Variants in NBAS observed in about 807,000 individuals in gnomAD.
NBAS encodes NAG/BC035112 fusion.
In NBAS, 219 loss-of-function variants were observed where a neutral mutation model predicts 302.5. The observed-to-expected ratio is 0.72, with a 90% confidence interval of 0.65 to 0.81. The LOEUF (loss-of-function observed/expected upper bound fraction) is 0.81, where lower values mean the gene tolerates loss of function less well. Ranked by LOEUF, NBAS falls within the 30% of genes least tolerant of loss-of-function variation. The pLI, the probability that NBAS is intolerant of heterozygous loss-of-function variation, is 0.00. For synonymous variants in NBAS, 1,118 were observed against 1,021.6 expected (o/e 1.09, Z -1.80); for missense variants, 2,932 against 2,841.6 (o/e 1.03, Z -0.72).
intron 46 of NBAS, among the ~76,000 whole-genome samples, chr2:15,232,809 A>T (rs1375813596): frequency 6.6e-6 from 1 of 152,018 alleles, no homozygotes; most frequent in African/African-American, 2.4e-5. Context: ...AACTGTATTG[A>T]GCTACTTTAA....
chr2:15,323,685 A>C (rs1377895593), intron 38 of NBAS, among the ~76,000 whole-genome samples: 1 of 151,980 alleles, frequency 6.6e-6, no homozygotes, highest in Non-Finnish European at 1.5e-5. Flanking sequence ...ACAACAAAAA[A>C]TTAGCTGGGC....
At chr2:15,277,350 T>C (rs959527033) in intron 42 of NBAS, among the ~76,000 whole-genome samples, 2 of 152,216 alleles carry the variant, frequency 1.3e-5, no homozygotes, top group Admixed American at 1.3e-4. Context: ...CCCTGTGAAG[T>C]AGCTTTAACT....
the NBAS span, among the ~76,000 whole-genome samples, chr2:14,856,656 G>A: frequency 6.6e-6 from 1 of 151,958 alleles, no homozygotes. Flanking sequence ...AAATGCAGTT[G>A]GCATACTGAA....
intron 14 of NBAS, among the ~76,000 whole-genome samples, chr2:15,475,277 T>G (rs1404959929): frequency 2.0e-5 from 3 of 152,222 alleles, no homozygotes; most frequent in Non-Finnish European, 4.4e-5. Context: ...TTTACAGAAC[T>G]AGCCTCTATT....
chr2:15,236,438 A>G (rs941355141), intron 45 of NBAS, among the ~76,000 whole-genome samples: 1 of 146,618 alleles, frequency 6.8e-6, no homozygotes, highest in Non-Finnish European at 1.5e-5. Context: ...AGTCCCAGCT[A>G]CTCAAGAGGC....
At chr2:15,058,849 C>T in the NBAS span, among the ~76,000 whole-genome samples, 2,515 of 152,256 alleles carry the variant, frequency 0.017, 33 homozygotes, top group Non-Finnish European at 0.024. Flanking sequence ...TTGACTTGTG[C>T]ACTACATGCC....
the NBAS span, among the ~76,000 whole-genome samples, chr2:14,812,719 G>T: frequency 6.6e-6 from 1 of 151,682 alleles, no homozygotes; most frequent in Non-Finnish European, 1.5e-5. Flanking sequence ...AAGTTATTTG[G>T]TTTCTAGTTC....
At chr2:14,987,207 T>G in the NBAS span, among the ~76,000 whole-genome samples, 49 of 152,062 alleles carry the variant, frequency 3.2e-4, no homozygotes, top group African/African-American at 1.1e-3. Flanking sequence ...TTCTGATTAT[T>G]TAGAATAAAT....
chr2:14,919,319 A>T, the NBAS span, among the ~76,000 whole-genome samples: 1 of 152,230 alleles, frequency 6.6e-6, no homozygotes, highest in Non-Finnish European at 1.5e-5. Context: ...CCATACCTTA[A>T]TTTAAAAATA....
At chr2:15,375,967 T>C (rs1312387142) in intron 30 of NBAS, among the ~76,000 whole-genome samples, 3 of 152,020 alleles carry the variant, frequency 2.0e-5, no homozygotes, top group African/African-American at 4.8e-5. Flanking sequence ...AATTTATTCA[T>C]GATTTAAGAA....
chr2:15,332,102 A>G (rs1316515287), intron 35 of NBAS, among the ~76,000 whole-genome samples: 2 of 152,232 alleles, frequency 1.3e-5, no homozygotes, highest in East Asian at 3.8e-4. Flanking sequence ...GTAGACACTG[A>G]GAACAGCCAT....
At chr2:14,902,709 G>T in the NBAS span, among the ~76,000 whole-genome samples, 3 of 152,184 alleles carry the variant, frequency 2.0e-5, no homozygotes, top group Non-Finnish European at 4.4e-5. Flanking sequence ...CTTCTGGGAG[G>T]TTGGGAAAAG....
At chr2:14,882,942 T>C in the NBAS span, among the ~76,000 whole-genome samples, 1 of 152,198 alleles carries the variant, frequency 6.6e-6, no homozygotes, top group Admixed American at 6.5e-5. Context: ...TTCTGTTCTG[T>C]TATTGTTTAC....
At chr2:15,521,407 GT>G (rs1304346525) in intron 9 of NBAS, among the ~76,000 whole-genome samples, 2 of 152,084 alleles carry the variant, frequency 1.3e-5, no homozygotes, top group Non-Finnish European at 2.9e-5. Flanking sequence ...TAGCTCTTAC[GT>G]TTTAATTCTT....
At chr2:15,001,513 CT>C in the NBAS span, among the ~76,000 whole-genome samples, 1 of 152,074 alleles carries the variant, frequency 6.6e-6, no homozygotes, top group African/African-American at 2.4e-5. Context: ...AACCTACATA[CT>C]TAGATTACAA....
At chr2:14,870,043 A>T in the NBAS span, among the ~76,000 whole-genome samples, 1 of 152,250 alleles carries the variant, frequency 6.6e-6, no homozygotes, top group African/African-American at 2.4e-5. Flanking sequence ...CAAAATATTT[A>T]AAATGATGGT....
chr2:15,082,431 C>T, the NBAS span, among the ~76,000 whole-genome samples: 5 of 152,154 alleles, frequency 3.3e-5, no homozygotes, highest in Non-Finnish European at 7.4e-5. Context: ...TTCTGAGTCA[C>T]GTGACAGCAG....
At position 15,478,236 on chromosome 2, in the gene NBAS, T is replaced by G; in HGVS notation, c.1137A>C (p.Lys379Asn). ...PDWRLSTEKRKKIKDKESFYP... is the reference protein window; with the variant it reads ...PDWRLSTEKRNKIKDKESFYP... ...TTTCGTAGAACTCACCTTTGATTTT[T>G]TTTCTCTTCTCAGTAGAGAGCCTCC... The change falls in exon 13 of 52, where the codon AAA becomes AAC. Residue 379 changes from lysine to asparagine, a missense_variant. Coordinates refer to ENST00000281513, the MANE Select transcript of NBAS (RefSeq NM_015909.4). 1 of 1,605,518 alleles carries G rather than the reference T, an allele frequency of 6.2e-7. No individual in the cohort carries two copies. Among genetic ancestry groups the G allele is most frequent in the East Asian group, 2.2e-5 (1 of 44,814 alleles).
In NBAS at chr2:15,374,727, G is replaced by A; in HGVS notation, c.3591-7C>T. ...TATCAGTTGTAAGCAGCACCTAGAA[G>A]AAATTAGATAAATTTTTAAAAAGAA... On this transcript the variant is annotated splice_polypyrimidine_tract_variant and splice_region_variant and intron_variant, in intron 30 of 51. Transcript: ENST00000281513. 1 of 1,609,268 alleles carries A rather than the reference G, an allele frequency of 6.2e-7. No individual in the cohort carries two copies. Among genetic ancestry groups the A allele is most frequent in the Non-Finnish European group, 8.5e-7 (1 of 1,175,820 alleles).
Sources: gnomAD v4.1 joint callset for allele counts (sites outside exome capture counted in the v4.1 genomes callset) on GRCh38, gnomAD v4.1.1 for gene constraint, MANE v1.5 for transcripts, NCBI Gene and HGNC (gene_info 2026-07-23, HGNC 2026-07-21) for gene names.